Variants in ACADL observed in about 807,000 individuals in gnomAD.
ACADL encodes the protein long-chain specific acyl-CoA dehydrogenase, mitochondrial.
Under a neutral mutation model 56.9 loss-of-function variants are expected in ACADL, and 60 were observed. The ratio of observed to expected loss-of-function variants is 1.05; its 90% CI spans 0.86 to 1.31. ACADL has a LOEUF of 1.31. Among genes scored for constraint, ACADL ranks in the 50% most tolerant of loss-of-function variants. ACADL has a pLI of 0.00. For synonymous variants in ACADL, 158 were observed against 179.7 expected (o/e 0.88, Z 0.97); for missense variants, 484 against 525.5 (o/e 0.92, Z 0.77).
chr2:210,198,533 T>C lies in ACADL; in HGVS notation c.985-3195A>G, dbSNP rs907481540. Among the ~76,000 whole-genome samples, 12 of 152,202 alleles carry C rather than the reference T, an allele frequency of 7.9e-5. No homozygotes were observed. The East Asian group carries it at 2.1e-3, about 27-fold the overall frequency. On this transcript the variant is annotated intron_variant, in intron 8 of 10. Coordinates refer to ENST00000233710, the MANE Select transcript of ACADL (RefSeq NM_001608.4). Reference sequence around the variant, plus strand: ...AGCTCTCATTAGATTAGAAAAAACATTCCATTTTCACTTCGTTGCCCACTG... The same window carrying C: ...AGCTCTCATTAGATTAGAAAAAACACTCCATTTTCACTTCGTTGCCCACTG...
intron 3 of ACADL, 51 bp downstream of exon 3, chr2:210,217,914 G>T (rs764143112): frequency 6.3e-7 from 1 of 1,597,080 alleles, no homozygotes; most frequent in Non-Finnish European, 8.6e-7. Context: ...TCAGAAAGGT[G>T]AGTGGTGTGT....
At chr2:210,218,696 C>T (rs1443910947) in intron 2 of ACADL, 2 of 153,530 alleles carry the variant, frequency 1.3e-5, no homozygotes, top group Non-Finnish European at 2.9e-5. Flanking sequence ...AGCAGGTACT[C>T]TTACATACAA....
chr2:210,205,858 G>C, intron 5 of ACADL, 62 bp from the exon 6 acceptor site: 1 of 1,591,350 alleles, frequency 6.3e-7, no homozygotes, highest in Non-Finnish European at 8.6e-7. Context: ...TGCAAGTTAT[G>C]ATTGGGAGAA....
At chr2:210,223,151 C>A (rs1292271585) in intron 1 of ACADL, among the ~76,000 whole-genome samples, 3 of 151,940 alleles carry the variant, frequency 2.0e-5, no homozygotes, top group African/African-American at 7.3e-5. Context: ...AAAAGAAATG[C>A]CAAACGAATA....
At position 210,204,668 on chromosome 2, in the gene ACADL, T is replaced by C. The variant is rs756069097; in HGVS notation, c.783A>G (p.Leu261=). The C allele has an allele frequency of 1.2e-6, 2 of 1,610,246 alleles. No individual in the cohort carries two copies. The highest frequency in any genetic ancestry group is 1.1e-5 in the South Asian group (1 of 90,994). Residue 261 remains leucine, a synonymous_variant, in exon 7 of 11, where the codon CTA becomes CTG. Transcript: ENST00000233710. ...MGLKAQDTAE[L]FFEDIRLPAS... is the part of the protein sequence containing the mutation. ...CTGGCAACCGTATATCTTCAAAGAA[T>C]AGTTCTGCGGTATCCTAAGAGACCA...
At chr2:210,203,780 A>T (rs1018439598) in intron 7 of ACADL, among the ~76,000 whole-genome samples, 2 of 152,144 alleles carry the variant, frequency 1.3e-5, no homozygotes, top group Non-Finnish European at 2.9e-5. Flanking sequence ...GGCTCAAGTG[A>T]TCCTCCCACC....
At chr2:210,218,365 C>T in intron 2 of ACADL, 3 of 390,652 alleles carry the variant, frequency 7.7e-6, no homozygotes, top group Non-Finnish European at 1.4e-5. Context: ...ACTGCAGCCT[C>T]AAAATCCTGG....
At position 210,195,237 on chromosome 2, in the gene ACADL, G is replaced by A. The variant is rs149023402; in HGVS notation, c.1086C>T (p.Ser362=). The change falls in exon 9 of 11, where the codon TCC becomes TCT. Residue 362 remains serine, a synonymous_variant. Transcript: ENST00000233710. ...AATATTTCGCCATGCAAGCAGTGGC[G>A]GAGTCCAAACGTTTCGCTTCATGCA... ...LQLHEAKRLD[S]ATACMAKYWA... 2.5e-5 allele frequency: 40 copies of A among 1,613,684 alleles called. No individual in the cohort carries two copies. Among genetic ancestry groups the A allele is most frequent in the African/African-American group, 8.0e-5 (6 of 74,876 alleles).
chr2:210,205,024 T>C (rs1395322281), intron 6 of ACADL, among the ~76,000 whole-genome samples: 1 of 151,980 alleles, frequency 6.6e-6, no homozygotes, highest in East Asian at 1.9e-4. Flanking sequence ...GTTTTTTTTG[T>C]TTGTTTGTTT....
chr2:210,192,239 T>C (rs7604292), intron 10 of ACADL, among the ~76,000 whole-genome samples: 129,110 of 151,094 alleles, frequency 0.85, 55,882 homozygotes, highest in East Asian at 1. Flanking sequence ...GTAATCCCAG[T>C]ACTTTGGGAT....
intron 8 of ACADL, among the ~76,000 whole-genome samples, chr2:210,197,326 G>A (rs1276240837): frequency 6.6e-6 from 1 of 151,860 alleles, no homozygotes; most frequent in African/African-American, 2.4e-5. Context: ...GAACATGCTG[G>A]GTCACATCAA....
At chr2:210,190,055 T>G (rs146288498) in intron 10 of ACADL, among the ~76,000 whole-genome samples, 121 of 152,240 alleles carry the variant, frequency 7.9e-4, no homozygotes, top group Middle Eastern at 3.4e-3. Context: ...AAGTATAATC[T>G]TGGTGTTTTG....
chr2:210,225,124 G>T, intron 1 of ACADL, 63 bp downstream of exon 1: 1 of 1,527,016 alleles, frequency 6.5e-7, no homozygotes, highest in Non-Finnish European at 8.7e-7. Context: ...CGACAGGAGT[G>T]ACTCGCTGCC....
At chr2:210,221,699 T>A (rs1689177604) in intron 1 of ACADL, among the ~76,000 whole-genome samples, 1 of 152,020 alleles carries the variant, frequency 6.6e-6, no homozygotes, top group Admixed American at 6.6e-5. Context: ...TTTAAAAAAA[T>A]AACTTTTTAC....
In ACADL at chr2:210,216,410, A is replaced by G. The variant is rs1689087372; in HGVS notation, c.473T>C (p.Ile158Thr). The change falls in exon 4 of 11, where the codon ATT becomes ACT. Residue 158 changes from isoleucine (I) to threonine (T), a missense_variant. Ile to Thr is a moderately conservative substitution (Grantham distance 89). Coordinates refer to ENST00000233710, the MANE Select transcript of ACADL (RefSeq NM_001608.4). ...ACATTTGCCTGCAGTCATCTGGGGA[A>G]TAAAGTGCTTAATCTGTTCTTCTGA... ...HGSEEQIKHF[I>T]PQMTAGKCIG... is the part of the protein sequence containing the mutation. 5 of 1,613,970 alleles carry G rather than the reference A, an allele frequency of 3.1e-6. No homozygotes were observed. The East Asian group carries it at 1.1e-4, about 36-fold the overall frequency.
rs962201875 is a variant in ACADL, at chr2:210,208,224, TAGAA to T, written c.603+1968_603+1971del. Reference sequence around the variant, plus strand: ...TACAGATAATAAATAAACAATGGAATAGAAAGGAAGGGAGGAGAAATTCATTGGG... The same window carrying T: ...TACAGATAATAAATAAACAATGGAATAGGAAGGGAGGAGAAATTCATTGGG... On this transcript the variant is annotated intron_variant, in intron 5 of 10. Transcript: ENST00000233710. Among the ~76,000 whole-genome samples, 8 of 152,304 alleles carry T rather than the reference TAGAA, an allele frequency of 5.3e-5. No homozygotes were observed. In the South Asian group the frequency reaches 1.2e-3, roughly 24 times the overall value.
rs550553923 is a variant in ACADL, at chr2:210,218,139, T to C, written c.234-37A>G. The C allele has an allele frequency of 3.2e-5, 50 of 1,554,030 alleles. No individual in the cohort carries two copies. The East Asian group carries it at 1.1e-3, about 33-fold the overall frequency. On this transcript the variant is annotated intron_variant, in intron 2 of 10. Coordinates refer to ENST00000233710, the MANE Select transcript of ACADL (RefSeq NM_001608.4). Reference sequence around the variant, plus strand: ...AAATATTTTAAATTCAGATAATTTTTAAATATTATTTAAATGGCCACAACT... The same window carrying C: ...AAATATTTTAAATTCAGATAATTTTCAAATATTATTTAAATGGCCACAACT...
intron 10 of ACADL, 22 bp downstream of exon 10, chr2:210,192,782 T>C: frequency 1.3e-6 from 2 of 1,557,558 alleles, no homozygotes; most frequent in Non-Finnish European, 1.8e-6. Flanking sequence ...TAAAGAAGAG[T>C]GTATCAGAAA....
rs1166317920 is a variant in ACADL, at chr2:210,225,409, G to C, written c.-146C>G. 9.5e-6 allele frequency: 8 copies of C among 845,158 alleles called. No individual in the cohort carries two copies. Among genetic ancestry groups the C allele is most frequent in the African/African-American group, 1.8e-5 (1 of 56,550 alleles). 52.4% of individuals were successfully genotyped at this position (845,158 alleles called of 1,614,324 possible). A position where few individuals can be genotyped will look rare whatever the true frequency, so the allele number is the denominator to read the frequency against. On this transcript the variant is annotated 5_prime_UTR_variant, in exon 1 of 11. Coordinates refer to ENST00000233710, the MANE Select transcript of ACADL (RefSeq NM_001608.4). ...AAAAGCGCTCGCGCGCGCCCTTCCG[G>C]AGCCCCAACCACGCCACAGGCTGGT...
Sources: allele counts gnomAD v4.1 joint callset (sites outside exome capture counted in the v4.1 genomes callset), GRCh38; gene constraint gnomAD v4.1.1; transcripts MANE v1.5; gene names NCBI Gene and HGNC (gene_info 2026-07-23, HGNC 2026-07-21).